The following MLLT1 variants were observed in gnomAD, a reference collection of about 807,000 sequenced individuals.
MLLT1 encodes the protein MLLT1 super elongation complex subunit.
MLLT1 carries 11 observed loss-of-function variants against 55.1 expected under a neutral mutation model. The ratio of observed to expected loss-of-function variants is 0.20; its 90% CI spans 0.13 to 0.33. The LOEUF (loss-of-function observed/expected upper bound fraction) is 0.33. Among genes scored for constraint, MLLT1 ranks in the 10% least tolerant of loss-of-function variants. The pLI is 1.00. For synonymous variants in MLLT1, 323 were observed against 320.1 expected (o/e 1.01, Z -0.10); for missense variants, 536 against 760.6 (o/e 0.70, Z 3.47).
At chr19:6,248,722 C>T (rs1428347875) in intron 3 of MLLT1, among the ~76,000 whole-genome samples, 1 of 152,150 alleles carries the variant, frequency 6.6e-6, no homozygotes, top group East Asian at 1.9e-4. Context: ...AGAAAAAGAA[C>T]ATGAATTGAA....
At chr19:6,241,506 C>T (rs1765009519) in intron 3 of MLLT1, among the ~76,000 whole-genome samples, 1 of 152,244 alleles carries the variant, frequency 6.6e-6, no homozygotes, top group Non-Finnish European at 1.5e-5. Context: ...TGGGCGCTTT[C>T]AATGCCCAGC....
chr19:6,223,173 G>C (rs531041958), intron 5 of MLLT1, among the ~76,000 whole-genome samples: 1 of 152,090 alleles, frequency 6.6e-6, no homozygotes, highest in East Asian at 1.9e-4. Context: ...GGTCACTCAC[G>C]GGCTTCCTTT....
intron 3 of MLLT1, among the ~76,000 whole-genome samples, chr19:6,252,410 C>T (rs940203860): frequency 2.6e-5 from 4 of 152,202 alleles, no homozygotes; most frequent in Admixed American, 2.0e-4. Flanking sequence ...AGTTCCCTCT[C>T]GTATCTGGGT....
chr19:6,216,234 C>T (rs935000269), intron 8 of MLLT1, among the ~76,000 whole-genome samples, 171 bp downstream of exon 8: 2 of 152,184 alleles, frequency 1.3e-5, no homozygotes, highest in African/African-American at 4.8e-5. Flanking sequence ...AGCCCCAGGC[C>T]CACCCCAAGG....
intron 1 of MLLT1, among the ~76,000 whole-genome samples, chr19:6,272,934 T>C (rs1235917357): frequency 2.0e-5 from 3 of 152,200 alleles, no homozygotes; most frequent in African/African-American, 4.8e-5. Context: ...ATGTACATGA[T>C]ACAGATGTAC....
Position 6,279,957 on chromosome 19 carries a change from C to A in MLLT1, c.-173G>T. The A allele has an allele frequency of 6.1e-6, 1 of 163,004 alleles. No individual in the cohort carries two copies. Among genetic ancestry groups the A allele is most frequent in the Non-Finnish European group, 1.3e-5 (1 of 77,650 alleles). The allele number at this position is 163,004 out of a possible 1,614,324, so 10.1% of individuals were successfully genotyped here. On this transcript the variant is annotated 5_prime_UTR_variant, in exon 1 of 12. Coordinates refer to ENST00000252674, the MANE Select transcript of MLLT1 (RefSeq NM_005934.4). ...GCCAGCCCCGCGGAACCGGAAACCA[C>A]CGCCAGCCCGGGTCGCGCACCGATC...
intron 3 of MLLT1, among the ~76,000 whole-genome samples, chr19:6,242,549 C>CT (rs2091125164): frequency 2.6e-5 from 4 of 151,846 alleles, no homozygotes; most frequent in Non-Finnish European, 5.9e-5. Context: ...AAATAAACTT[C>CT]TTTTTCACAC....
chr19:6,259,254 C>G (rs533372498), intron 3 of MLLT1: 1 of 152,430 alleles, frequency 6.6e-6, no homozygotes, highest in Admixed American at 6.5e-5. Context: ...GGCTAACCAC[C>G]AAACGCGAGC....
intron 3 of MLLT1, among the ~76,000 whole-genome samples, chr19:6,239,134 T>G (rs2091090982): frequency 6.6e-6 from 1 of 152,006 alleles, no homozygotes; most frequent in Non-Finnish European, 1.5e-5. Context: ...GCCCTGCCCC[T>G]CCTCTGGACA....
intron 3 of MLLT1, chr19:6,259,180 C>A (rs1483186520): frequency 6.6e-6 from 1 of 152,324 alleles, no homozygotes; most frequent in Non-Finnish European, 1.5e-5. Context: ...CAAACCCACC[C>A]CGTCACCAAC....
chr19:6,230,986 C>T lies in MLLT1; in HGVS notation c.277-273G>A, dbSNP rs2091003363. Among the ~76,000 whole-genome samples, 1 of 152,196 alleles carries T rather than the reference C, an allele frequency of 6.6e-6. No homozygotes were observed. The highest frequency in any genetic ancestry group is 1.5e-5 in the Non-Finnish European group (1 of 68,038). On this transcript the variant is annotated intron_variant, in intron 3 of 11. Coordinates refer to ENST00000252674, the MANE Select transcript of MLLT1 (RefSeq NM_005934.4). This position sits in a 1 kb window ranked among gnomAD's most constrained non-coding sequence, Gnocchi z 9.0. ...CTCGGACTGTTATGGGAAACATGTA[C>T]CCCCTTCAACCCTCACAGCGCCACT... is the stretch of plus-strand genomic sequence containing the variant.
At position 6,231,885 on chromosome 19, in the gene MLLT1, G is replaced by A. The variant is rs907520128; in HGVS notation, c.277-1172C>T. 5.3e-5 allele frequency among the ~76,000 whole-genome samples: 8 copies of A among 151,568 alleles called. No homozygotes were observed. Among genetic ancestry groups the A allele is most frequent in the Non-Finnish European group, 1.0e-4 (7 of 67,902 alleles). On this transcript the variant is annotated intron_variant, in intron 3 of 11. Coordinates refer to ENST00000252674, the MANE Select transcript of MLLT1 (RefSeq NM_005934.4). The surrounding 1 kb of genome is among the most constrained non-coding windows in gnomAD (Gnocchi z 5.1). ...AGCCACAGGTCCCAGGGGAGTGTGGGAAAACCGCACTATGACAAGCACGAA... is the reference window on the plus strand; with the variant it reads ...AGCCACAGGTCCCAGGGGAGTGTGGAAAAACCGCACTATGACAAGCACGAA...
At chr19:6,214,297 G>A (rs908590645) in intron 8 of MLLT1, among the ~76,000 whole-genome samples, 2 of 152,298 alleles carry the variant, frequency 1.3e-5, no homozygotes, top group Admixed American at 6.5e-5. Flanking sequence ...CGGGATACCC[G>A]GGACACAAAG....
rs144576637 is a variant in MLLT1, at chr19:6,247,886, T to TTGTTTGTA, written c.276+14341_276+14342insTACAAACA. On this transcript the variant is annotated intron_variant, in intron 3 of 11. Transcript: ENST00000252674. ...TGGAGCATTTTGGTGTTTTGTTTGT[T>TTGTTTGTA]TGTTTGTTTGTTTGTTTTTTGTGAG... Among the ~76,000 whole-genome samples, 1,975 of 150,584 alleles carry TTGTTTGTA rather than the reference T, an allele frequency of 0.013. 71 individuals are homozygous for TTGTTTGTA. The East Asian group carries it at 0.17, about 13-fold the overall frequency.
Position 6,213,976 on chromosome 19 carries a change from G to T in MLLT1, c.1370C>A (p.Pro457His). 1 of 1,463,664 alleles carries T rather than the reference G, an allele frequency of 6.8e-7. No individual in the cohort carries two copies. The highest frequency in any genetic ancestry group is 9.0e-7 in the Non-Finnish European group (1 of 1,109,076). The allele number at this position is 1,463,664 out of a possible 1,614,324, so 90.7% of individuals were successfully genotyped here. A position where few individuals can be genotyped will look rare whatever the true frequency, so the allele number is the denominator to read the frequency against. The part of the protein sequence containing the change: ...SADSSLPSRE[P>H]PPPQKPPPPN... The stretch of plus-strand genomic sequence containing the variant: ...CGGGGGTGGCTTCTGGGGGGGTGGG[G>T]GCTCACGGCTGGGCAGGGAGGAGTC... Residue 457 changes from proline to histidine, a missense_variant, in exon 9 of 12, where the codon CCC becomes CAC. Coordinates refer to ENST00000252674, the MANE Select transcript of MLLT1 (RefSeq NM_005934.4).
At chr19:6,260,683 C>A (rs1568294300) in intron 3 of MLLT1, among the ~76,000 whole-genome samples, 1 of 152,228 alleles carries the variant, frequency 6.6e-6, no homozygotes, top group Non-Finnish European at 1.5e-5. Flanking sequence ...TCTGGGAACA[C>A]AGAAAACCTC....
In MLLT1 at chr19:6,222,370, C is replaced by T. The variant is rs770281533; in HGVS notation, c.861G>A (p.Pro287=). 8.5e-6 allele frequency: 12 copies of T among 1,416,008 alleles called. No homozygotes were observed. Among genetic ancestry groups the T allele is most frequent in the East Asian group, 2.6e-5 (1 of 38,282 alleles). The allele number at this position is 1,416,008 out of a possible 1,614,324, so 87.7% of individuals were successfully genotyped here. ...PPPPRASSKR[P]ATADSPKPSA... is the part of the protein sequence containing the mutation. Reference sequence around the variant, plus strand: ...TGGGCTTTGGCGAGTCGGCGGTGGCCGGCCGCTTGCTGGAAGCCCGGGGTG... The same window carrying T: ...TGGGCTTTGGCGAGTCGGCGGTGGCTGGCCGCTTGCTGGAAGCCCGGGGTG... The change falls in exon 6 of 12, where the codon CCG becomes CCA. Residue 287 remains proline, a synonymous_variant. Coordinates refer to ENST00000252674, the MANE Select transcript of MLLT1 (RefSeq NM_005934.4). This position sits in a 1 kb window ranked among gnomAD's most constrained non-coding sequence, Gnocchi z 4.1.
At chr19:6,239,898 A>G (rs1294396132) in intron 3 of MLLT1, among the ~76,000 whole-genome samples, 5 of 152,170 alleles carry the variant, frequency 3.3e-5, no homozygotes, top group Admixed American at 3.3e-4. Flanking sequence ...TGTAATCTGC[A>G]TATATCACCT....
chr19:6,230,603 C>T lies in MLLT1; in HGVS notation c.387G>A (p.Thr129=), dbSNP rs760101990. Residue 129 remains threonine, a synonymous_variant, in exon 4 of 12, where the codon ACG becomes ACA. Coordinates refer to ENST00000252674, the MANE Select transcript of MLLT1 (RefSeq NM_005934.4). This position sits in a 1 kb window ranked among gnomAD's most constrained non-coding sequence, Gnocchi z 9.0. ...CEKLTFNNPT[T]EFRYKLLRAG... is the part of the protein sequence containing the mutation. Reference sequence around the variant, plus strand: ...CCCGCAGGAGCTTGTACCGGAACTCCGTGGTGGGGTTGTTGAAGGTGAGCT... The same window carrying T: ...CCCGCAGGAGCTTGTACCGGAACTCTGTGGTGGGGTTGTTGAAGGTGAGCT... The T allele has an allele frequency of 3.6e-5, 58 of 1,613,774 alleles. No individual in the cohort carries two copies. Among genetic ancestry groups the T allele is most frequent in the Non-Finnish European group, 4.3e-5 (51 of 1,180,024 alleles).
Sources: allele counts gnomAD v4.1 joint callset (sites outside exome capture counted in the v4.1 genomes callset), GRCh38; gene constraint gnomAD v4.1.1; non-coding constraint Gnocchi (gnomAD v3.1); transcripts MANE v1.5; gene names NCBI Gene and HGNC (gene_info 2026-07-23, HGNC 2026-07-21).